The following ROCK1 variants were observed in gnomAD, a reference collection of about 807,000 sequenced individuals.
ROCK1 encodes rho-associated protein kinase 1.
ROCK1 carries 36 observed loss-of-function variants against 196.8 expected under a neutral mutation model. The observed-to-expected ratio is 0.18, with a 90% confidence interval of 0.14 to 0.24. The LOEUF (loss-of-function observed/expected upper bound fraction) is 0.24. ROCK1 is among the 10% of genes least tolerant of loss of function. ROCK1 has a pLI of 1.00. For synonymous variants in ROCK1, 443 were observed against 515.9 expected (o/e 0.86, Z 1.91); for missense variants, 920 against 1,562.0 (o/e 0.59, Z 6.93).
chr18:20,964,523 T>C (rs1277765377), intron 27 of ROCK1, among the ~76,000 whole-genome samples: 3 of 152,092 alleles, frequency 2.0e-5, no homozygotes. Context: ...AATTTCTACT[T>C]CCAATATGAA....
At chr18:20,978,377 C>T (rs1482867158) in intron 22 of ROCK1, among the ~76,000 whole-genome samples, 1 of 152,114 alleles carries the variant, frequency 6.6e-6, no homozygotes, top group African/African-American at 2.4e-5. Flanking sequence ...AGATTTGAAT[C>T]TGATTAAGCT....
intron 17 of ROCK1, 83 bp downstream of exon 17, chr18:20,992,748 T>C (rs1344184674): frequency 3.9e-6 from 3 of 771,388 alleles, no homozygotes; most frequent in Non-Finnish European, 6.2e-6. Context: ...TAAGAATAAA[T>C]GCTATTTTAT....
rs1391499579 is a variant in ROCK1, at chr18:21,061,806, T to TG, written c.175+8725_175+8726insC. Among the ~76,000 whole-genome samples the TG allele has an allele frequency of 4.6e-5, 7 of 152,218 alleles. No homozygotes were observed. In the East Asian group the frequency reaches 1.3e-3, roughly 29 times the overall value. On this transcript the variant is annotated intron_variant, in intron 2 of 32. Transcript: ENST00000399799. ...AAAGGAACTGTACAAAGATATTGTGTTCCAGTTGGTAAATCCATTTCTCAC... is the reference window on the plus strand; with the variant it reads ...AAAGGAACTGTACAAAGATATTGTGTGTCCAGTTGGTAAATCCATTTCTCAC...
At chr18:21,069,053 C>T (rs1184569086) in intron 2 of ROCK1, among the ~76,000 whole-genome samples, 1 of 152,082 alleles carries the variant, frequency 6.6e-6, no homozygotes, top group Non-Finnish European at 1.5e-5. Flanking sequence ...AGGGGAAAAG[C>T]ATTCGTCTTA....
At chr18:21,003,804 A>AT (rs1398259600) in intron 16 of ROCK1, among the ~76,000 whole-genome samples, 6 of 152,214 alleles carry the variant, frequency 3.9e-5, no homozygotes, top group African/African-American at 1.4e-4. Flanking sequence ...ACATTCAAGG[A>AT]TTTCAGATTT....
intron 19 of ROCK1, 66 bp downstream of exon 19, chr18:20,986,884 C>G: frequency 7.4e-7 from 1 of 1,348,710 alleles, no homozygotes; most frequent in Admixed American, 2.4e-5. Context: ...ATAGATAACT[C>G]CAGTCATAAC....
intron 2 of ROCK1, among the ~76,000 whole-genome samples, chr18:21,065,262 C>T (rs1228693862): frequency 6.6e-6 from 1 of 152,168 alleles, no homozygotes; most frequent in Non-Finnish European, 1.5e-5. Flanking sequence ...CAAAAATTTA[C>T]CAACTGTACT....
chr18:20,987,150 G>C (rs771654285), intron 18 of ROCK1, 40 bp from the exon 19 acceptor site: 3 of 1,582,666 alleles, frequency 1.9e-6, no homozygotes, highest in Admixed American at 1.8e-5. Flanking sequence ...TTTAAAGAAA[G>C]AGTACTTTAA....
At chr18:21,023,733 C>G (rs1412180523) in intron 10 of ROCK1, 53 bp from the exon 11 acceptor site, 1 of 939,262 alleles carries the variant, frequency 1.1e-6, no homozygotes, top group Admixed American at 2.5e-5. Flanking sequence ...TCTGTAATAT[C>G]CCATGACAAC....
At chr18:20,969,252 T>C (rs1485489788) in intron 23 of ROCK1, 44 bp from the exon 24 acceptor site, 1 of 1,208,006 alleles carries the variant, frequency 8.3e-7, no homozygotes, top group Non-Finnish European at 1.2e-6. Context: ...CTCTTTGCTA[T>C]TCTCGTATTT....
rs142403175 is a variant in ROCK1 at position 20,984,761 on chromosome 18, A to G, written c.2305-226T>C. Reference sequence around the variant, plus strand: ...CATGAGATCTTGTGGAGGGAAAAAAATTCTGGTTCCTTTCTACCCCAATCA... The same window carrying G: ...CATGAGATCTTGTGGAGGGAAAAAAGTTCTGGTTCCTTTCTACCCCAATCA... On this transcript the variant is annotated intron_variant, in intron 19 of 32. Transcript: ENST00000399799. 2.9e-3 allele frequency among the ~76,000 whole-genome samples: 449 copies of G among 152,246 alleles called. 3 individuals are homozygous for G. The highest frequency in any genetic ancestry group is 0.011 in the Admixed American group (173 of 15,282).
Position 21,007,947 on chromosome 18 carries a change from A to G in ROCK1, c.1546+112T>C, listed in dbSNP as rs1236550775. The G allele has an allele frequency of 1.0e-5, 6 of 586,108 alleles. No individual in the cohort carries two copies. In the East Asian group the frequency reaches 1.9e-4, roughly 18 times the overall value. 36.3% of individuals were successfully genotyped at this position (586,108 alleles called of 1,614,324 possible). ...ACCTGAGACCTGGGTTATTTAGCTTATAAAGTGTCTTAGGATTGTAGCTTC... is the reference window on the plus strand; with the variant it reads ...ACCTGAGACCTGGGTTATTTAGCTTGTAAAGTGTCTTAGGATTGTAGCTTC... On this transcript the variant is annotated intron_variant, in intron 14 of 32. Coordinates refer to ENST00000399799, the MANE Select transcript of ROCK1 (RefSeq NM_005406.3).
intron 9 of ROCK1, among the ~76,000 whole-genome samples, chr18:21,030,368 G>A (rs1010170045): frequency 1.3e-5 from 2 of 152,094 alleles, no homozygotes; most frequent in Non-Finnish European, 2.9e-5. Flanking sequence ...CACCTAATGA[G>A]TACAGTCATA....
At chr18:21,017,326 G>A (rs1166635491) in intron 12 of ROCK1, among the ~76,000 whole-genome samples, 1 of 151,466 alleles carries the variant, frequency 6.6e-6, no homozygotes, top group African/African-American at 2.4e-5. Context: ...CGAGTAGCTG[G>A]GACTACAGGC....
intron 1 of ROCK1, among the ~76,000 whole-genome samples, 193 bp downstream of exon 1, chr18:21,110,625 G>C (rs1009901112): frequency 1.3e-5 from 2 of 152,170 alleles, no homozygotes; most frequent in African/African-American, 4.8e-5. Flanking sequence ...AGTTAGTACA[G>C]AGCCAGTCAA....
intron 9 of ROCK1, among the ~76,000 whole-genome samples, chr18:21,035,966 G>A (rs2036053715): frequency 2.6e-5 from 4 of 152,146 alleles, no homozygotes; most frequent in Admixed American, 6.5e-5. Context: ...AAAAGTTCTG[G>A]ACACAGTAGA....
intron 11 of ROCK1, among the ~76,000 whole-genome samples, chr18:21,022,246 T>G (rs1044171759): frequency 6.6e-6 from 1 of 152,114 alleles, no homozygotes; most frequent in Non-Finnish European, 1.5e-5. Context: ...TTTCAGAAAA[T>G]TCCTGTTAAC....
At chr18:21,038,751 A>G (rs1273093804) in intron 9 of ROCK1, among the ~76,000 whole-genome samples, 1 of 152,210 alleles carries the variant, frequency 6.6e-6, no homozygotes, top group Non-Finnish European at 1.5e-5. Context: ...TGATAGATGA[A>G]CAGGGAAAAA....
intron 1 of ROCK1, among the ~76,000 whole-genome samples, chr18:21,084,869 T>C (rs1375300046): frequency 6.6e-6 from 1 of 152,128 alleles, no homozygotes; most frequent in African/African-American, 2.4e-5. Flanking sequence ...CACCAACAGA[T>C]GAATGGATAA....
Sources: allele counts gnomAD v4.1 joint callset (sites outside exome capture counted in the v4.1 genomes callset), GRCh38; gene constraint gnomAD v4.1.1; transcripts MANE v1.5; gene names NCBI Gene and HGNC (gene_info 2026-07-23, HGNC 2026-07-21).